ALK: variants seen among roughly 807,000 people sequenced by gnomAD.
ALK encodes ALK receptor tyrosine kinase.
A neutral mutation model predicts 163.1 loss-of-function variants in ALK; 74 were observed. That is an observed-to-expected ratio of 0.45 (90% CI 0.38 to 0.55). The LOEUF (loss-of-function observed/expected upper bound fraction) is 0.55, where lower values mean the gene tolerates loss of function less well. Ranked by LOEUF, ALK falls within the 20% of genes least tolerant of loss-of-function variation. ALK has a pLI of 0.00. For missense variants in ALK, 2,063 were observed against 2,105.3 expected (o/e 0.98, Z 0.39); for synonymous variants, 960 against 843.2 (o/e 1.14, Z -2.40).
intron 4 of ALK, among the ~76,000 whole-genome samples, chr2:29,438,457 A>G (rs913605462): frequency 3.3e-5 from 5 of 152,274 alleles, no homozygotes; most frequent in Admixed American, 6.5e-5. Context: ...GCACCATGAC[A>G]TAGGAAAAAC....
Position 29,920,827 on chromosome 2 carries a change from G to A in ALK, c.-168C>T, listed in dbSNP as rs1667981191. The A allele has an allele frequency of 1.6e-6, 1 of 641,914 alleles. No individual in the cohort carries two copies. The highest frequency in any genetic ancestry group is 2.7e-6 in the Non-Finnish European group (1 of 374,142). 39.8% of individuals were successfully genotyped at this position (641,914 alleles called of 1,614,324 possible). On this transcript the variant is annotated 5_prime_UTR_variant, in exon 1 of 29. Transcript: ENST00000389048. The stretch of plus-strand genomic sequence containing the variant: ...GTCTCTTGCTTTCCCCCAACTGCAC[G>A]GAGGCGAGCAGGAGTCTAAATGAAA...
At chr2:29,252,540 T>A (rs1359478033) in intron 11 of ALK, among the ~76,000 whole-genome samples, 1 of 152,206 alleles carries the variant, frequency 6.6e-6, no homozygotes, top group Non-Finnish European at 1.5e-5. Flanking sequence ...GAGACTGCCA[T>A]GGGCAGGGTT....
chr2:29,302,947 T>C (rs1332551375), intron 8 of ALK, among the ~76,000 whole-genome samples: 1 of 152,196 alleles, frequency 6.6e-6, no homozygotes, highest in Non-Finnish European at 1.5e-5. Context: ...AATAACTCTT[T>C]TGGACATTGG....
At chr2:29,440,255 C>G (rs570399170) in intron 4 of ALK, among the ~76,000 whole-genome samples, 6 of 151,530 alleles carry the variant, frequency 4.0e-5, no homozygotes, top group Non-Finnish European at 5.9e-5. Flanking sequence ...CAAAAAAAAC[C>G]ACTAATACAC....
At chr2:29,504,220 C>G (rs759161583) in intron 4 of ALK, among the ~76,000 whole-genome samples, 4 of 151,928 alleles carry the variant, frequency 2.6e-5, no homozygotes, top group Non-Finnish European at 5.9e-5. Context: ...TACAAAGGGC[C>G]AGTGGCCAGG....
Position 29,222,600 on chromosome 2 carries a change from C to G in ALK, c.3367G>C (p.Gly1123Arg). The G allele has an allele frequency of 6.2e-7, 1 of 1,613,782 alleles. No homozygotes were observed. The highest frequency in any genetic ancestry group is 1.1e-5 in the South Asian group (1 of 90,984). The stretch of plus-strand genomic sequence containing the variant: ...TACACCTCCCCAAAGGCGCCATGGC[C>G]CAGACCCCTGTGCAAAGGAGAAGAC... ...RKNITLIRGL[G>R]HGAFGEVYEG... The change falls in exon 21 of 29, where the codon GGC becomes CGC. Residue 1123 changes from glycine (G) to arginine (R), a missense_variant. Physicochemically the swap from Gly to Arg is moderately radical, Grantham distance 125. Transcript: ENST00000389048.
At chr2:29,471,333 A>G (rs1326461547) in intron 4 of ALK, among the ~76,000 whole-genome samples, 1 of 152,210 alleles carries the variant, frequency 6.6e-6, no homozygotes, top group Non-Finnish European at 1.5e-5. Context: ...GAAGGCTACA[A>G]GAAGGAAAAA....
At chr2:29,746,221 A>G (rs1464734717) in intron 1 of ALK, among the ~76,000 whole-genome samples, 1 of 152,230 alleles carries the variant, frequency 6.6e-6, no homozygotes, top group Non-Finnish European at 1.5e-5. Flanking sequence ...TCTATCGGCT[A>G]TTAGGCAATA....
chr2:29,696,288 A>G (rs1302251087), intron 2 of ALK, among the ~76,000 whole-genome samples: 2 of 152,160 alleles, frequency 1.3e-5, no homozygotes, highest in Non-Finnish European at 2.9e-5. Flanking sequence ...ACAGGAACAG[A>G]AAACCAAATA....
intron 1 of ALK, among the ~76,000 whole-genome samples, chr2:29,839,311 A>G (rs1178759216): frequency 6.6e-6 from 1 of 152,170 alleles, no homozygotes; most frequent in African/African-American, 2.4e-5. Context: ...AAGAAAGATG[A>G]GTAAGTTTTT....
intron 13 of ALK, among the ~76,000 whole-genome samples, chr2:29,236,538 A>G (rs1664387202): frequency 6.6e-6 from 1 of 152,156 alleles, no homozygotes; most frequent in African/African-American, 2.4e-5. Flanking sequence ...TTTCTGACCC[A>G]TGCTCATCCC....
At chr2:29,230,289 CTTTTT>C (rs5830106) in intron 15 of ALK, among the ~76,000 whole-genome samples, 20 of 138,920 alleles carry the variant, frequency 1.4e-4, no homozygotes, top group Non-Finnish European at 1.9e-4. Context: ...ACACAATCAT[CTTTTT>C]TTTTTTTTTT....
chr2:29,328,296 G>A lies in ALK; in HGVS notation c.1414+54C>T. 1.9e-6 allele frequency: 3 copies of A among 1,613,416 alleles called. No homozygotes were observed. In the South Asian group the frequency reaches 3.3e-5, roughly 18 times the overall value. ...CATGCCTGGGATAATGGGGACAACG[G>A]GGTTATGAGCATGGGCTGGGCTCAG... On this transcript the variant is annotated intron_variant, in intron 6 of 28. Transcript: ENST00000389048.
rs78063671 is a variant in ALK at position 29,705,303 on chromosome 2, T to C, written c.788-10289A>G. ...TATAAATATATATCTGCTGTGATGA[T>C]TGCATAAGGTAATGAATGTCGCCAT... On this transcript the variant is annotated intron_variant, in intron 2 of 28. Transcript: ENST00000389048. Among the ~76,000 whole-genome samples, 661 of 123,714 alleles carry C rather than the reference T, an allele frequency of 5.3e-3. 15 individuals are homozygous for C. The highest frequency in any genetic ancestry group is 0.017 in the African/African-American group (607 of 35,128). 81.2% of individuals were successfully genotyped at this position (123,714 alleles called of 152,430 possible). A position where few individuals can be genotyped will look rare whatever the true frequency, so the allele number is the denominator to read the frequency against.
intron 4 of ALK, among the ~76,000 whole-genome samples, chr2:29,505,774 T>C (rs1343804494): frequency 2.0e-5 from 3 of 148,898 alleles, no homozygotes; most frequent in Non-Finnish European, 4.4e-5. Flanking sequence ...ACCATTCAGC[T>C]CTTTCCATAA....
At chr2:29,382,563 G>T (rs933883178) in intron 5 of ALK, among the ~76,000 whole-genome samples, 1 of 152,064 alleles carries the variant, frequency 6.6e-6, no homozygotes, top group Admixed American at 6.6e-5. Context: ...CTTTCTCCCT[G>T]CCACATTCTT....
At chr2:29,372,385 G>A (rs1480821978) in intron 5 of ALK, among the ~76,000 whole-genome samples, 1 of 152,158 alleles carries the variant, frequency 6.6e-6, no homozygotes, top group Non-Finnish European at 1.5e-5. Context: ...AGTTGTACTA[G>A]TTCACTGTTG....
chr2:29,631,088 G>A (rs1036344434), intron 3 of ALK, among the ~76,000 whole-genome samples: 6 of 152,338 alleles, frequency 3.9e-5, no homozygotes, highest in African/African-American at 1.4e-4. Context: ...AAATAAAAAT[G>A]TAAGTGAATA....
intron 3 of ALK, among the ~76,000 whole-genome samples, chr2:29,575,259 T>G (rs1674491469): frequency 6.6e-6 from 1 of 152,138 alleles, no homozygotes. Flanking sequence ...TGAAGAAAAC[T>G]GCCAAAAATA....
Sources: gnomAD v4.1 joint callset for allele counts (sites outside exome capture counted in the v4.1 genomes callset) on GRCh38, gnomAD v4.1.1 for gene constraint, MANE v1.5 for transcripts, NCBI Gene and HGNC (gene_info 2026-07-23, HGNC 2026-07-21) for gene names.